UBE2D3: variants seen among roughly 807,000 people sequenced by gnomAD.
UBE2D3 encodes ubiquitin-conjugating enzyme E2 D3.
UBE2D3 carries 2 observed loss-of-function variants against 22.8 expected under a neutral mutation model. The observed-to-expected ratio is 0.09, with a 90% confidence interval of 0.04 to 0.28. The LOEUF is 0.28. UBE2D3 is among the 10% of genes least tolerant of loss of function. The pLI is 1.00. For missense variants in UBE2D3, 27 were observed against 182.5 expected, an observed-to-expected ratio of 0.15 and a Z score of 4.91; for synonymous variants, 56 against 60.4, an observed-to-expected ratio of 0.93 and a Z score of 0.34.
intron 1 of UBE2D3, among the ~76,000 whole-genome samples, chr4:102,835,844 T>C (rs1433994971): frequency 6.6e-6 from 1 of 152,140 alleles, no homozygotes; most frequent in Non-Finnish European, 1.5e-5. Flanking sequence ...TTCCTTATGC[T>C]CTTTTATAAA....
Position 102,797,364 on chromosome 4 carries a change from T to C in UBE2D3, c.*51A>G, listed in dbSNP as rs764594121. ...AAGAAAATCAAAAAAGGAACAGTAA[T>C]TTAAAGTTTATTCCAGCTATAATGC... On this transcript the variant is annotated 3_prime_UTR_variant, in exon 8 of 8. Transcript: ENST00000453744. 74 of 1,486,564 alleles carry C rather than the reference T, an allele frequency of 5.0e-5. No homozygotes were observed. In the Middle Eastern group the frequency reaches 1.0e-3, roughly 21 times the overall value. 92.1% of individuals were successfully genotyped at this position (1,486,564 alleles called of 1,614,324 possible). A position where few individuals can be genotyped will look rare whatever the true frequency, so the allele number is the denominator to read the frequency against.
At chr4:102,824,675 G>A (rs1217326610) in intron 2 of UBE2D3, among the ~76,000 whole-genome samples, 1 of 151,896 alleles carries the variant, frequency 6.6e-6, no homozygotes, top group Non-Finnish European at 1.5e-5. Context: ...ACCTGTAAGA[G>A]AAAAAAAATC....
chr4:102,807,209 G>C (rs1007459219), intron 4 of UBE2D3, among the ~76,000 whole-genome samples: 1 of 152,120 alleles, frequency 6.6e-6, no homozygotes, highest in Admixed American at 6.5e-5. Flanking sequence ...GTTGCTTTAG[G>C]TCACAACTGC....
intron 2 of UBE2D3, among the ~76,000 whole-genome samples, chr4:102,824,732 T>C (rs1015968370): frequency 1.3e-4 from 20 of 152,244 alleles, no homozygotes; most frequent in Admixed American, 1.2e-3. Context: ...CAAAAAGCTA[T>C]GGATCTGGTA....
At chr4:102,817,614 G>GA (rs1334112273) in intron 2 of UBE2D3, among the ~76,000 whole-genome samples, 1 of 152,056 alleles carries the variant, frequency 6.6e-6, no homozygotes, top group Non-Finnish European at 1.5e-5. Flanking sequence ...CAAACTGAGG[G>GA]AAAAAAATTC....
At chr4:102,840,184 G>A (rs1731667347) in intron 1 of UBE2D3, among the ~76,000 whole-genome samples, 1 of 152,118 alleles carries the variant, frequency 6.6e-6, no homozygotes, top group Admixed American at 6.5e-5. Flanking sequence ...AGCCTCTATG[G>A]AAACACAGTA....
intron 6 of UBE2D3, among the ~76,000 whole-genome samples, chr4:102,799,737 T>C (rs1466184632): frequency 2.0e-5 from 3 of 150,248 alleles, no homozygotes; most frequent in Non-Finnish European, 4.4e-5. Context: ...GCCATAAAAA[T>C]AGTTTCTAAG....
In UBE2D3 at chr4:102,806,043, G is replaced by T. The variant is rs62624475; in HGVS notation, c.121-3405C>A. ...GATGTTATCTTCAGCCTAGATTATG[G>T]CAATAGCTTACTAATGATTATCCCT... On this transcript the variant is annotated intron_variant, in intron 4 of 7. Coordinates refer to ENST00000453744, the MANE Select transcript of UBE2D3 (RefSeq NM_181891.3). 4.3e-3 allele frequency among the ~76,000 whole-genome samples: 651 copies of T among 152,190 alleles called. 8 individuals are homozygous for T. The highest frequency in any genetic ancestry group is 0.015 in the African/African-American group (611 of 41,524).
rs112337299 is a variant in UBE2D3, at chr4:102,827,033, G to T, written c.-129+394C>A. Reference sequence around the variant, plus strand: ...TCCGGACGGACGCCGGGCTGCTTTCGGTTTCTGTCCAAAGGTGCGGCCGGG... The same window carrying T: ...TCCGGACGGACGCCGGGCTGCTTTCTGTTTCTGTCCAAAGGTGCGGCCGGG... On this transcript the variant is annotated intron_variant, in intron 1 of 7. Transcript: ENST00000453744. 3.8e-3 allele frequency: 3,749 copies of T among 993,550 alleles called. 83 individuals carry two copies. The African/African-American group carries it at 0.051, about 14-fold the overall frequency. 61.5% of individuals were successfully genotyped at this position (993,550 alleles called of 1,614,324 possible).
At chr4:102,841,034 A>G (rs1315813804) in intron 1 of UBE2D3, among the ~76,000 whole-genome samples, 3 of 151,972 alleles carry the variant, frequency 2.0e-5, no homozygotes, top group Admixed American at 1.3e-4. Context: ...AAAAAAAAGT[A>G]TAGCAATTTG....
At chr4:102,827,847 G>C, upstream of UBE2D3, 5 of 985,734 alleles carry the variant, frequency 5.1e-6, no homozygotes, top group Non-Finnish European at 6.0e-6. Flanking sequence ...GAGAAGCATC[G>C]AGAACCGGAA....
intron 1 of UBE2D3, among the ~76,000 whole-genome samples, chr4:102,867,723 G>T (rs1578305790): frequency 2.0e-5 from 3 of 152,178 alleles, no homozygotes; most frequent in East Asian, 3.9e-4. Flanking sequence ...CCCTTAAGCC[G>T]GAGTTAGAGT....
chr4:102,830,290 A>G (rs188771818), upstream of UBE2D3, among the ~76,000 whole-genome samples: 1 of 152,258 alleles, frequency 6.6e-6, no homozygotes, highest in Admixed American at 6.5e-5. Flanking sequence ...TTGAATTACA[A>G]TGGTAGAGAT....
intron 1 of UBE2D3, among the ~76,000 whole-genome samples, chr4:102,839,322 A>G (rs1731610145): frequency 6.6e-6 from 1 of 152,158 alleles, no homozygotes; most frequent in Non-Finnish European, 1.5e-5. Context: ...GCTGGAATGC[A>G]ATGGCGCCAT....
At chr4:102,803,899 G>A (rs1467998480) in intron 4 of UBE2D3, among the ~76,000 whole-genome samples, 1 of 152,088 alleles carries the variant, frequency 6.6e-6, no homozygotes, top group Non-Finnish European at 1.5e-5. Context: ...CTCCCAAGTA[G>A]CTGGGATTAC....
Position 102,795,341 on chromosome 4 carries a change from A to G in UBE2D3, c.*2074T>C, listed in dbSNP as rs1292814416. 6.6e-6 allele frequency: 1 copy of G among 152,118 alleles called. No homozygotes were observed. Among genetic ancestry groups the G allele is most frequent in the Non-Finnish European group, 1.5e-5 (1 of 67,954 alleles). The allele number at this position is 152,118 out of a possible 1,614,324, so 9.4% of individuals were successfully genotyped here. A position where few individuals can be genotyped will look rare whatever the true frequency, so the allele number is the denominator to read the frequency against. On this transcript the variant is annotated 3_prime_UTR_variant, in exon 8 of 8. Transcript: ENST00000453744. ...ACTCATGTTTGGCTTTCAAGAAGTG[A>G]TATGCCTACTAAAGCTGTTATTTTG...
At chr4:102,845,555 A>G (rs867767793) in intron 1 of UBE2D3, among the ~76,000 whole-genome samples, 5 of 152,184 alleles carry the variant, frequency 3.3e-5, no homozygotes, top group Non-Finnish European at 7.4e-5. Context: ...TCAGTGAAGG[A>G]GTACCAAGTC....
intron 1 of UBE2D3, among the ~76,000 whole-genome samples, chr4:102,846,693 G>A (rs943430566): frequency 1.3e-5 from 2 of 152,120 alleles, no homozygotes; most frequent in Non-Finnish European, 2.9e-5. Context: ...AGACTGGAGT[G>A]CAGTGGTGTG....
chr4:102,848,504 G>T (rs1056357043), intron 1 of UBE2D3, among the ~76,000 whole-genome samples: 2 of 152,118 alleles, frequency 1.3e-5, no homozygotes, highest in Middle Eastern at 3.2e-3. Flanking sequence ...AATTAGCTGG[G>T]CGTGGTGGTG....
Sources: allele counts gnomAD v4.1 joint callset (sites outside exome capture counted in the v4.1 genomes callset), GRCh38; gene constraint gnomAD v4.1.1; transcripts MANE v1.5; gene names NCBI Gene and HGNC (gene_info 2026-07-23, HGNC 2026-07-21).